Variants in CDH13 observed in about 807,000 individuals in gnomAD.
The protein encoded by CDH13 is cadherin-13.
CDH13 carries 24 observed loss-of-function variants against 63.8 expected under a neutral mutation model. The ratio of observed to expected loss-of-function variants is 0.38; its 90% CI spans 0.27 to 0.53. CDH13 has a LOEUF of 0.53. Among genes scored for constraint, CDH13 ranks in the 20% least tolerant of loss-of-function variants. The pLI is 0.85. For missense variants in CDH13, 1,049 were observed against 903.1 expected (o/e 1.16, Z -2.07); for synonymous variants, 503 against 355.3 (o/e 1.42, Z -4.67).
chr16:83,611,077 G>A (rs72795308), intron 8 of CDH13, among the ~76,000 whole-genome samples: 1 of 152,178 alleles, frequency 6.6e-6, no homozygotes, highest in Non-Finnish European at 1.5e-5. Flanking sequence ...CCATCCACTG[G>A]CTGTTGGGAT....
At chr16:82,731,535 C>A (rs972634114) in intron 1 of CDH13, among the ~76,000 whole-genome samples, 8 of 152,186 alleles carry the variant, frequency 5.3e-5, no homozygotes, top group Non-Finnish European at 1.0e-4. Context: ...AGCAAAGAAG[C>A]TGCTCAAGAC....
At chr16:83,303,849 G>C (rs922199365) in intron 5 of CDH13, among the ~76,000 whole-genome samples, 1 of 152,106 alleles carries the variant, frequency 6.6e-6, no homozygotes, top group Admixed American at 6.6e-5. Context: ...CTTGGCAAGG[G>C]CACAGGATTC....
rs781195075 is a variant in CDH13 at position 83,309,522 on chromosome 16, G to A, written c.637-35340G>A. On this transcript the variant is annotated intron_variant, in intron 5 of 13. Transcript: ENST00000567109. ...CTCCTGAGGAGGTGGGATTACAGGC[G>A]AGTGCCGCCACGCCCAGCTCATTTT... is the stretch of plus-strand genomic sequence containing the variant. 6.6e-5 allele frequency among the ~76,000 whole-genome samples: 10 copies of A among 152,290 alleles called. No individual in the cohort carries two copies. In the East Asian group the frequency reaches 1.4e-3, roughly 21 times the overall value.
At chr16:82,963,502 C>T (rs556625723) in intron 2 of CDH13, among the ~76,000 whole-genome samples, 13 of 152,318 alleles carry the variant, frequency 8.5e-5, no homozygotes, top group African/African-American at 3.1e-4. Flanking sequence ...CTCACACACT[C>T]CCCTCTAACT....
chr16:83,737,039 G>C (rs544707549), intron 10 of CDH13, among the ~76,000 whole-genome samples: 18 of 152,194 alleles, frequency 1.2e-4, no homozygotes, highest in Non-Finnish European at 2.1e-4. Context: ...AGAGGTTAGA[G>C]AGTCCGCAGA....
intron 1 of CDH13, among the ~76,000 whole-genome samples, chr16:82,842,401 C>G (rs2039072933): frequency 1.3e-5 from 2 of 151,526 alleles, no homozygotes; most frequent in Admixed American, 6.6e-5. Context: ...AGTTCAAGGC[C>G]TATCCTCATT....
intron 8 of CDH13, among the ~76,000 whole-genome samples, chr16:83,607,090 T>G (rs1908410846): frequency 6.6e-6 from 1 of 152,132 alleles, no homozygotes; most frequent in Non-Finnish European, 1.5e-5. Flanking sequence ...AAGGAGATAC[T>G]TTAAAGGTTA....
chr16:83,604,589 C>G (rs530354415), intron 8 of CDH13, among the ~76,000 whole-genome samples: 130 of 152,232 alleles, frequency 8.5e-4, no homozygotes, highest in Admixed American at 1.7e-3. Context: ...GTTTCTCATT[C>G]TTCTTTGGCC....
intron 1 of CDH13, among the ~76,000 whole-genome samples, chr16:82,787,601 A>T (rs1214325151): frequency 6.6e-6 from 1 of 152,226 alleles, no homozygotes; most frequent in Non-Finnish European, 1.5e-5. Flanking sequence ...TCACTTCAGA[A>T]TTAGCCTATG....
intron 4 of CDH13, among the ~76,000 whole-genome samples, chr16:83,164,191 A>G (rs1344754716): frequency 1.3e-5 from 2 of 152,126 alleles, no homozygotes; most frequent in African/African-American, 4.8e-5. Flanking sequence ...CATGCTTATC[A>G]TAGGTAATCC....
At chr16:83,039,496 T>C in intron 3 of CDH13, among the ~76,000 whole-genome samples, 1 of 152,184 alleles carries the variant, frequency 6.6e-6, no homozygotes, top group East Asian at 1.9e-4. Flanking sequence ...TTTTCCTTCC[T>C]AGGCTTCTTC....
intron 8 of CDH13, among the ~76,000 whole-genome samples, chr16:83,660,927 A>G (rs1174906685): frequency 8.5e-6 from 1 of 118,084 alleles, no homozygotes; most frequent in Non-Finnish European, 2.0e-5. Context: ...CCTGAAATTG[A>G]AGAAAAAAAA....
At chr16:82,648,058 C>T (rs1280823525) in intron 1 of CDH13, among the ~76,000 whole-genome samples, 2 of 152,198 alleles carry the variant, frequency 1.3e-5, no homozygotes, top group East Asian at 1.9e-4. Flanking sequence ...CATGCCTTTA[C>T]TCCTCCTTCG....
rs145197993 is a variant in CDH13, at chr16:83,235,978, A to T, written c.636+18481A>T. On this transcript the variant is annotated intron_variant, in intron 5 of 13. Coordinates refer to ENST00000567109, the MANE Select transcript of CDH13 (RefSeq NM_001257.5). ...TACCATTTGACTGCAATTGAAACTC[A>T]TGATGCTTTATATAGCTTAGATGAT... Among the ~76,000 whole-genome samples, 4 of 152,292 alleles carry T rather than the reference A, an allele frequency of 2.6e-5. No homozygotes were observed. In the South Asian group the frequency reaches 8.3e-4, roughly 32 times the overall value.
chr16:83,530,964 C>G (rs1411663189), intron 7 of CDH13, among the ~76,000 whole-genome samples: 4 of 152,158 alleles, frequency 2.6e-5, no homozygotes, highest in Non-Finnish European at 5.9e-5. Flanking sequence ...TTCGCTGGGT[C>G]CTTTGATGTC....
chr16:83,602,362 G>A, intron 7 of CDH13, 92 bp from the exon 8 acceptor site: 1 of 1,244,738 alleles, frequency 8.0e-7, no homozygotes, highest in East Asian at 2.3e-5. Context: ...GGAGGAGGGG[G>A]AGAGACAGCT....
At chr16:83,646,883 C>T (rs530722502) in intron 8 of CDH13, among the ~76,000 whole-genome samples, 54 of 152,134 alleles carry the variant, frequency 3.5e-4, no homozygotes, top group African/African-American at 1.2e-3. Context: ...CAACTCCCCC[C>T]TTTCCCCTTC....
intron 4 of CDH13, among the ~76,000 whole-genome samples, chr16:83,202,063 A>T (rs1567502513): frequency 6.6e-6 from 1 of 152,180 alleles, no homozygotes; most frequent in Non-Finnish European, 1.5e-5. Context: ...TTTCTTTGCC[A>T]AGGTCTCTGC....
chr16:83,237,488 A>T (rs1904275366), intron 5 of CDH13, among the ~76,000 whole-genome samples: 1 of 152,266 alleles, frequency 6.6e-6, no homozygotes, highest in African/African-American at 2.4e-5. Flanking sequence ...AGCCAAATAG[A>T]TAGTAGTCCA....
Sources: allele counts gnomAD v4.1 joint callset (sites outside exome capture counted in the v4.1 genomes callset), GRCh38; gene constraint gnomAD v4.1.1; transcripts MANE v1.5; gene names NCBI Gene and HGNC (gene_info 2026-07-23, HGNC 2026-07-21).